The following LRRC4C variants were observed in gnomAD, a reference collection of about 807,000 sequenced individuals.
LRRC4C encodes leucine rich repeat containing 4C.
LRRC4C carries 5 observed loss-of-function variants against 33.6 expected under a neutral mutation model. The ratio of observed to expected loss-of-function variants is 0.15; its 90% confidence interval spans 0.08 to 0.31. The LOEUF (loss-of-function observed/expected upper bound fraction) is 0.31. Among genes scored for constraint, LRRC4C ranks in the 10% least tolerant of loss-of-function variants. LRRC4C has a pLI of 1.00. For synonymous variants in LRRC4C, 329 were observed against 302.0 expected, an observed-to-expected ratio of 1.09 and a Z score of -0.93; for missense variants, 560 against 796.7, an observed-to-expected ratio of 0.70 and a Z score of 3.58.
chr11:40,656,731 C>G (rs1465728645), intron 2 of LRRC4C, among the ~76,000 whole-genome samples: 1 of 152,090 alleles, frequency 6.6e-6, no homozygotes, highest in African/African-American at 2.4e-5. Flanking sequence ...TGTAGGTTTC[C>G]ACCTAAAAGT....
intron 1 of LRRC4C, among the ~76,000 whole-genome samples, chr11:41,063,509 A>G (rs1937958281): frequency 6.6e-6 from 1 of 152,198 alleles, no homozygotes; most frequent in African/African-American, 2.4e-5. Flanking sequence ...AAGAGTCAGG[A>G]TAGCCCCTCT....
intron 2 of LRRC4C, among the ~76,000 whole-genome samples, chr11:40,770,676 T>C (rs184786057): frequency 6.6e-6 from 1 of 152,276 alleles, no homozygotes; most frequent in Admixed American, 6.5e-5. Flanking sequence ...TTTCAAGATA[T>C]AATGAGGGTA....
intron 2 of LRRC4C, among the ~76,000 whole-genome samples, chr11:40,782,892 A>G (rs1950269647): frequency 6.6e-6 from 1 of 152,152 alleles, no homozygotes; most frequent in Non-Finnish European, 1.5e-5. Context: ...ACATGTTTAT[A>G]CATATACATA....
At chr11:40,508,900 T>A (rs907097990) in intron 3 of LRRC4C, among the ~76,000 whole-genome samples, 8 of 152,038 alleles carry the variant, frequency 5.3e-5, no homozygotes, top group African/African-American at 1.7e-4. Context: ...TAAATTAAAA[T>A]AAGGAAATAC....
intron 3 of LRRC4C, among the ~76,000 whole-genome samples, chr11:40,490,615 T>C (rs1342806278): frequency 6.6e-6 from 1 of 152,204 alleles, no homozygotes; most frequent in East Asian, 1.9e-4. Flanking sequence ...TTTTACTGAA[T>C]GTAGCTCCTC....
intron 2 of LRRC4C, among the ~76,000 whole-genome samples, chr11:40,677,381 G>C (rs142202881): frequency 3.3e-5 from 5 of 152,058 alleles, no homozygotes; most frequent in Admixed American, 3.3e-4. Context: ...GCAAGACTCT[G>C]TCTCAACTCA....
chr11:40,322,571 A>G (rs1039534620), intron 3 of LRRC4C, among the ~76,000 whole-genome samples: 4 of 152,136 alleles, frequency 2.6e-5, no homozygotes, highest in Admixed American at 6.6e-5. Context: ...CTAGGCTTCA[A>G]TGTGTCAATC....
chr11:41,369,904 C>G (rs935428217), intron 1 of LRRC4C, among the ~76,000 whole-genome samples: 4 of 152,132 alleles, frequency 2.6e-5, no homozygotes, highest in Non-Finnish European at 5.9e-5. Flanking sequence ...AATTAAGAGG[C>G]CCTTGTAACA....
chr11:40,993,958 A>T (rs1820727489), intron 1 of LRRC4C, among the ~76,000 whole-genome samples: 1 of 152,094 alleles, frequency 6.6e-6, no homozygotes, highest in South Asian at 2.1e-4. Context: ...GGCACATTAT[A>T]AAAGCTATTA....
intron 5 of LRRC4C, among the ~76,000 whole-genome samples, chr11:40,204,870 A>T (rs1010522103): frequency 7.2e-5 from 11 of 152,158 alleles, no homozygotes; most frequent in Admixed American, 4.6e-4. Flanking sequence ...GCTGATACTT[A>T]AAGGTTTCTG....
chr11:40,830,755 G>T lies in LRRC4C; in HGVS notation c.-407+102880C>A, dbSNP rs187424983. On this transcript the variant is annotated intron_variant, in intron 2 of 6. Transcript: ENST00000528697. ...TTTGTAGGTTGGTCACCAATAACAA[G>T]TTGATCTATATTTTTTCTTAGTTAC... Among the ~76,000 whole-genome samples the T allele has an allele frequency of 1.6e-3, 239 of 152,136 alleles. 2 individuals are homozygous for T. The highest frequency in any genetic ancestry group is 5.6e-3 in the African/African-American group (231 of 41,536).
chr11:40,149,881 G>A (rs941048849), intron 5 of LRRC4C, among the ~76,000 whole-genome samples: 7 of 152,140 alleles, frequency 4.6e-5, no homozygotes, highest in Admixed American at 4.6e-4. Flanking sequence ...AAGAGTCAGA[G>A]ATGTGGGTGG....
At chr11:40,154,791 G>C (rs1858540158) in intron 5 of LRRC4C, among the ~76,000 whole-genome samples, 1 of 152,152 alleles carries the variant, frequency 6.6e-6, no homozygotes, top group Admixed American at 6.5e-5. Flanking sequence ...GCACTAGTCA[G>C]GTTCTTAAGA....
chr11:40,274,708 A>G (rs1490715106), intron 4 of LRRC4C, among the ~76,000 whole-genome samples: 5 of 152,120 alleles, frequency 3.3e-5, no homozygotes, highest in Non-Finnish European at 7.4e-5. Flanking sequence ...ATAGATAAAA[A>G]GAATACCAGA....
At chr11:40,329,594 A>G (rs887695132) in intron 3 of LRRC4C, among the ~76,000 whole-genome samples, 18 of 152,200 alleles carry the variant, frequency 1.2e-4, no homozygotes, top group African/African-American at 4.3e-4. Flanking sequence ...ATGTAATTTC[A>G]GCTCAACATA....
chr11:40,173,596 TTC>T (rs1425827325), intron 5 of LRRC4C, among the ~76,000 whole-genome samples: 1 of 152,172 alleles, frequency 6.6e-6, no homozygotes, highest in Non-Finnish European at 1.5e-5. Context: ...AAGAGTACAA[TTC>T]AATCTGAGAC....
Position 40,669,548 on chromosome 11 carries a change from T to C in LRRC4C, c.-406-21270A>G, listed in dbSNP as rs191111435. ...CTGCCTGCACTGCTATCAAGTCCTA[T>C]TGGTAATCTGTTCTGTTGTTCCTGC... On this transcript the variant is annotated intron_variant, in intron 2 of 6. Coordinates refer to ENST00000528697, the MANE Select transcript of LRRC4C (RefSeq NM_001258419.2). 1.5e-4 allele frequency among the ~76,000 whole-genome samples: 23 copies of C among 152,342 alleles called. No individual in the cohort carries two copies. The East Asian group carries it at 4.0e-3, about 27-fold the overall frequency.
intron 3 of LRRC4C, among the ~76,000 whole-genome samples, chr11:40,432,890 T>C (rs755599754): frequency 4.6e-5 from 7 of 152,166 alleles, no homozygotes; most frequent in Non-Finnish European, 1.0e-4. Context: ...TTAAGACCAA[T>C]AAATAGACCC....
intron 3 of LRRC4C, among the ~76,000 whole-genome samples, chr11:40,542,731 C>A (rs918055002): frequency 6.6e-6 from 1 of 152,042 alleles, no homozygotes; most frequent in Non-Finnish European, 1.5e-5. Context: ...GTGTATGGCC[C>A]AGACCCACAT....
Sources: allele counts gnomAD v4.1 joint callset (sites outside exome capture counted in the v4.1 genomes callset), GRCh38; gene constraint gnomAD v4.1.1; transcripts MANE v1.5; gene names NCBI Gene and HGNC (gene_info 2026-07-23, HGNC 2026-07-21).